The following FGR variants were observed in gnomAD, a reference collection of about 807,000 sequenced individuals.
The protein encoded by FGR is FGR proto-oncogene, Src family tyrosine kinase.
FGR carries 26 observed loss-of-function variants against 63.2 expected under a neutral mutation model. The observed-to-expected ratio is 0.41, with a 90% CI of 0.30 to 0.57. The LOEUF (loss-of-function observed/expected upper bound fraction) is 0.57, where lower values mean the gene tolerates loss of function less well. Among genes scored for constraint, FGR ranks in the 20% least tolerant of loss-of-function variants. The probability of loss-of-function intolerance (pLI) is 0.27; values close to 1 mark genes in which losing one functional copy is unlikely to be tolerated. For synonymous variants in FGR, 286 were observed against 277.7 expected (o/e 1.03, Z -0.30); for missense variants, 511 against 690.8 (o/e 0.74, Z 2.92).
chr1:27,620,267 A>G (rs912616920), intron 5 of FGR, among the ~76,000 whole-genome samples: 1 of 152,146 alleles, frequency 6.6e-6, no homozygotes, highest in African/African-American at 2.4e-5. Flanking sequence ...CAGTGAGCCA[A>G]GATTACGCCA....
intron 1 of FGR, among the ~76,000 whole-genome samples, chr1:27,632,242 T>G (rs941230417): frequency 6.6e-6 from 1 of 151,788 alleles, no homozygotes; most frequent in Admixed American, 6.6e-5. Context: ...GTTCAAGCAA[T>G]TCTCCTGCCT....
At position 27,613,438 on chromosome 1, in the gene FGR, C is replaced by T. The variant is rs2089735067; in HGVS notation, c.1250-88G>A. The T allele has an allele frequency of 5.5e-5, 80 of 1,466,162 alleles. 1 individual carries two copies. The South Asian group carries it at 9.7e-4, about 18-fold the overall frequency. 90.8% of individuals were successfully genotyped at this position (1,466,162 alleles called of 1,614,324 possible). On this transcript the variant is annotated intron_variant, in intron 11 of 12. Coordinates refer to ENST00000374005, the MANE Select transcript of FGR (RefSeq NM_005248.3). ...AGAATGGGGTCTGGGCGCAGTGGCT[C>T]ACGTCTGTAATCCCAGCACTTTGGG...
intron 1 of FGR, among the ~76,000 whole-genome samples, chr1:27,625,830 T>C (rs1028693849): frequency 2.0e-5 from 3 of 152,148 alleles, no homozygotes; most frequent in African/African-American, 4.8e-5. Flanking sequence ...TCCCAGCTAC[T>C]TGGGAGGCCG....
chr1:27,615,060 C>A lies in FGR; in HGVS notation c.1019-134G>T. On this transcript the variant is annotated intron_variant, in intron 9 of 12. Coordinates refer to ENST00000374005, the MANE Select transcript of FGR (RefSeq NM_005248.3). This position sits in a 1 kb window ranked among gnomAD's most constrained non-coding sequence, Gnocchi z 7.6. ...CTTAGGACCCCGCGGGTGCCTCAAC[C>A]CCTCACTTGTCTCGTCCTGGCCCTG... 1 of 703,532 alleles carries A rather than the reference C, an allele frequency of 1.4e-6. No individual in the cohort carries two copies. Among genetic ancestry groups the A allele is most frequent in the Non-Finnish European group, 2.5e-6 (1 of 394,150 alleles). The allele number at this position is 703,532 out of a possible 1,614,324, so 43.6% of individuals were successfully genotyped here. A position where few individuals can be genotyped will look rare whatever the true frequency, so the allele number is the denominator to read the frequency against.
intron 3 of FGR, 24 bp from the exon 4 acceptor site, chr1:27,623,168 A>C: frequency 1.9e-6 from 3 of 1,579,242 alleles, no homozygotes; most frequent in Non-Finnish European, 2.6e-6. Flanking sequence ...GCTACTCAGC[A>C]GGGTAGGGCA....
At chr1:27,614,393 A>G (rs777387981) in intron 11 of FGR, 37 bp downstream of exon 11, 1 of 1,598,448 alleles carries the variant, frequency 6.3e-7, no homozygotes, top group Non-Finnish European at 8.5e-7. Context: ...CCCTTGTTGC[A>G]TGGGGAGCTC....
At chr1:27,623,418 C>T in intron 3 of FGR, 1 of 596,322 alleles carries the variant, frequency 1.7e-6, no homozygotes, top group Non-Finnish European at 3.0e-6. Context: ...GGAAGTGGCA[C>T]CTAAAAGGGC....
intron 1 of FGR, among the ~76,000 whole-genome samples, chr1:27,632,588 T>G (rs1409743290): frequency 6.6e-6 from 1 of 152,058 alleles, no homozygotes; most frequent in East Asian, 1.9e-4. Context: ...TTACCCTCCA[T>G]GTGGTCCCGA....
At position 27,617,018 on chromosome 1, in the gene FGR, A is replaced by T; in HGVS notation, c.533-12T>A. The T allele has an allele frequency of 6.2e-7, 1 of 1,613,878 alleles. No homozygotes were observed. The stretch of plus-strand genomic sequence containing the variant: ...CAGGGAGTAGGCACCTGTGGAGAGG[A>T]TCACTTTTGATCTGCTGTTCTCCTC... On this transcript the variant is annotated splice_polypyrimidine_tract_variant and intron_variant, in intron 6 of 12. Coordinates refer to ENST00000374005, the MANE Select transcript of FGR (RefSeq NM_005248.3). This position sits in a 1 kb window ranked among gnomAD's most constrained non-coding sequence, Gnocchi z 4.5.
chr1:27,619,205 T>G (rs543315162), intron 5 of FGR, among the ~76,000 whole-genome samples: 1 of 152,262 alleles, frequency 6.6e-6, no homozygotes, highest in South Asian at 2.1e-4. Flanking sequence ...AATTAATTTT[T>G]TTTGAGACGG....
rs751745939 is a variant in FGR, at chr1:27,613,206, T to A, written c.1381+13A>T. ...CCATCCCCCACCCCAGCCCTACCCCTGGCGAGGCAAACCTGGGTAGGGGAT... is the reference window on the plus strand; with the variant it reads ...CCATCCCCCACCCCAGCCCTACCCCAGGCGAGGCAAACCTGGGTAGGGGAT... On this transcript the variant is annotated intron_variant, in intron 12 of 12. Coordinates refer to ENST00000374005, the MANE Select transcript of FGR (RefSeq NM_005248.3). The A allele has an allele frequency of 5.0e-6, 8 of 1,612,046 alleles. No individual in the cohort carries two copies. In the African/African-American group the frequency reaches 9.3e-5, roughly 19 times the overall value.
intron 1 of FGR, among the ~76,000 whole-genome samples, chr1:27,628,672 A>G (rs1415336072): frequency 6.6e-6 from 1 of 152,190 alleles, no homozygotes; most frequent in African/African-American, 2.4e-5. Context: ...GCCACTTCCA[A>G]TAATACCCAC....
In FGR at chr1:27,633,930, G is replaced by A. The variant is rs564986905; in HGVS notation, c.-77+1135C>T. ...GATCATTTCTCACCATAGTTCAGAT[G>A]AGGAAAGTGAGGCCCAGAGAAGCCC... On this transcript the variant is annotated intron_variant, in intron 1 of 12. Coordinates refer to ENST00000374005, the MANE Select transcript of FGR (RefSeq NM_005248.3). Among the ~76,000 whole-genome samples, 3 of 152,306 alleles carry A rather than the reference G, an allele frequency of 2.0e-5. No individual in the cohort carries two copies. In the South Asian group the frequency reaches 6.2e-4, roughly 32 times the overall value.
intron 10 of FGR, 24 bp downstream of exon 10, chr1:27,614,826 G>A (rs2089771083): frequency 6.4e-7 from 1 of 1,568,540 alleles, no homozygotes; most frequent in African/African-American, 1.4e-5. Context: ...AGGTCCGGGA[G>A]GTAAAGGCTG....
chr1:27,613,479 G>T (rs1245834792), intron 11 of FGR, 129 bp from the exon 12 acceptor site: 6 of 975,086 alleles, frequency 6.2e-6, no homozygotes, highest in Non-Finnish European at 9.0e-6. Context: ...AAGGCAGGCG[G>T]ATCACTTGAG....
rs776733746 is a variant in FGR, at chr1:27,614,438, G to A, written c.1241C>T (p.Pro414Leu). 1.9e-6 allele frequency: 3 copies of A among 1,613,326 alleles called. No individual in the cohort carries two copies. The highest frequency in any genetic ancestry group is 1.1e-5 in the South Asian group (1 of 90,852). The change falls in exon 11 of 13, where the codon CCC becomes CTC. Residue 414 changes from proline to leucine, a missense_variant. Pro to Leu is a moderately conservative substitution (Grantham distance 98). Coordinates refer to ENST00000374005, the MANE Select transcript of FGR (RefSeq NM_005248.3). ...GGGGTGAAGCAGGGCACCTTGGCAGGGGTTGTACTCATCGTCCTTGATGAG... is the reference window on the plus strand; with the variant it reads ...GGGGTGAAGCAGGGCACCTTGGCAGAGGTTGTACTCATCGTCCTTGATGAG... ...ARLIKDDEYN[P>L]CQGSKFPIKW...
In FGR at chr1:27,623,714, C is replaced by A. The variant is rs770512024; in HGVS notation, c.203G>T (p.Ser68Ile). The A allele has an allele frequency of 6.2e-7, 1 of 1,614,228 alleles. No individual in the cohort carries two copies. Among genetic ancestry groups the A allele is most frequent in the South Asian group, 1.1e-5 (1 of 91,084 alleles). ...SQAINPGFLD[S>I]GTIRGVSGIG... is the part of the protein sequence containing the mutation. ...ACCTGACACACCCCTGATGGTGCCA[C>A]TATCAAGGAAGCCAGGGTTGATGGC... Residue 68 changes from serine to isoleucine, a missense_variant, in exon 3 of 13, where the codon AGT becomes ATT. Physicochemically the swap from Ser to Ile is moderately radical, Grantham distance 142. Transcript: ENST00000374005.
intron 1 of FGR, among the ~76,000 whole-genome samples, chr1:27,634,665 C>T (rs1182575051): frequency 6.6e-6 from 1 of 151,930 alleles, no homozygotes; most frequent in African/African-American, 2.4e-5. Context: ...GACCCGTCGG[C>T]TTCTCCCCAA....
Position 27,615,857 on chromosome 1 carries a change from T to TC in FGR, c.683-14dup. 6.4e-7 allele frequency: 1 copy of TC among 1,564,808 alleles called. No homozygotes were observed. The highest frequency in any genetic ancestry group is 1.2e-5 in the South Asian group (1 of 85,508). On this transcript the variant is annotated splice_polypyrimidine_tract_variant and intron_variant, in intron 7 of 12. Transcript: ENST00000374005. The surrounding 1 kb of genome is among the most constrained non-coding windows in gnomAD (Gnocchi z 7.6). ...CCGTCATTCACCTCTAGGGGAGGGG[T>TC]CATGAAGTAGAGTCACAGGTGGGCC...
Sources: gnomAD v4.1 joint callset for allele counts (sites outside exome capture counted in the v4.1 genomes callset) on GRCh38, gnomAD v4.1.1 for gene constraint, Gnocchi (gnomAD v3.1) non-coding constraint, MANE v1.5 for transcripts, NCBI Gene and HGNC (gene_info 2026-07-23, HGNC 2026-07-21) for gene names.